The following LAMA2 variants were observed in gnomAD, a reference collection of about 807,000 sequenced individuals.
LAMA2 encodes laminin subunit alpha-2.
A neutral mutation model predicts 364.8 loss-of-function variants in LAMA2; 269 were observed. That is an observed-to-expected ratio of 0.74 (90% CI 0.67 to 0.82). The LOEUF (loss-of-function observed/expected upper bound fraction) is 0.82. Ranked by LOEUF, LAMA2 falls within the 40% of genes least tolerant of loss-of-function variation. The pLI, the probability that LAMA2 is intolerant of heterozygous loss-of-function variation, is 0.00. For missense variants in LAMA2, 3,807 were observed against 3,873.2 expected, an observed-to-expected ratio of 0.98 and a Z score of 0.45; for synonymous variants, 1,379 against 1,370.6, an observed-to-expected ratio of 1.01 and a Z score of -0.14.
At chr6:128,927,400 AT>A (rs1322833374) in intron 1 of LAMA2, among the ~76,000 whole-genome samples, 1 of 152,092 alleles carries the variant, frequency 6.6e-6, no homozygotes, top group East Asian at 1.9e-4. Flanking sequence ...ACTTCAAGAA[AT>A]TTTTCAGTCT....
intron 9 of LAMA2, among the ~76,000 whole-genome samples, chr6:129,172,150 C>T (rs900210661): frequency 6.6e-6 from 1 of 151,784 alleles, no homozygotes; most frequent in Non-Finnish European, 1.5e-5. Flanking sequence ...GTAATTTGAT[C>T]GTCTGAAGCC....
At chr6:129,463,691 C>T (rs1290134806) in intron 49 of LAMA2, among the ~76,000 whole-genome samples, 2 of 151,930 alleles carry the variant, frequency 1.3e-5, no homozygotes, top group African/African-American at 4.8e-5. Flanking sequence ...CTTTGTCATC[C>T]TACAAACATC....
chr6:128,971,154 A>C (rs369947128), intron 1 of LAMA2, among the ~76,000 whole-genome samples: 6 of 152,272 alleles, frequency 3.9e-5, no homozygotes, highest in African/African-American at 1.2e-4. Flanking sequence ...CTGAAAGAAA[A>C]GTTTTTATTT....
Position 129,317,583 on chromosome 6 carries a change from A to G in LAMA2, c.4058+1412A>G, listed in dbSNP as rs945691887. Among the ~76,000 whole-genome samples, 8 of 150,450 alleles carry G rather than the reference A, an allele frequency of 5.3e-5. No homozygotes were observed. In the Admixed American group the frequency reaches 5.3e-4, roughly 10 times the overall value. On this transcript the variant is annotated intron_variant, in intron 27 of 64. Transcript: ENST00000421865. ...ATATTTCTCACTATAACAGGAGATT[A>G]TTTTTATATGAAATAATAAAAAAAA...
chr6:128,952,496 T>C (rs1780888326), intron 1 of LAMA2, among the ~76,000 whole-genome samples: 1 of 152,126 alleles, frequency 6.6e-6, no homozygotes, highest in East Asian at 1.9e-4. Flanking sequence ...TTAAGAAACA[T>C]AGGCATCATA....
At chr6:129,170,822 G>A (rs1368560766) in intron 9 of LAMA2, among the ~76,000 whole-genome samples, 1 of 149,476 alleles carries the variant, frequency 6.7e-6, no homozygotes, top group Non-Finnish European at 1.5e-5. Context: ...TCTCTTTGTA[G>A]GTCACTCAGG....
chr6:129,513,367 C>G (rs1249678345), intron 63 of LAMA2, among the ~76,000 whole-genome samples: 6 of 152,126 alleles, frequency 3.9e-5, no homozygotes, highest in African/African-American at 1.2e-4. Context: ...ACCAAATTTT[C>G]AAACATACTT....
Position 129,491,993 on chromosome 6 carries a change from G to A in LAMA2, c.7991G>A (p.Gly2664Asp), listed in dbSNP as rs1488571994. ...PIEVKKLFVGGAPPEFQPSPL... is the reference protein window; with the variant it reads ...PIEVKKLFVGDAPPEFQPSPL... ...GAAGTTAAAAAGCTTTTCGTTGGGG[G>A]TGCTCCACCTGAATTTCAACCTTCC... The change falls in exon 57 of 65, where the codon GGT becomes GAT. Residue 2664 changes from glycine (G) to aspartate (D), a missense_variant. Gly to Asp is a moderately conservative substitution (Grantham distance 94). Transcript: ENST00000421865. 1.3e-5 allele frequency: 21 copies of A among 1,613,876 alleles called. No homozygotes were observed. The highest frequency in any genetic ancestry group is 7.7e-5 in the South Asian group (7 of 91,082).
At chr6:129,063,266 C>T (rs1038121179) in intron 3 of LAMA2, among the ~76,000 whole-genome samples, 6 of 151,952 alleles carry the variant, frequency 3.9e-5, no homozygotes, top group Non-Finnish European at 7.4e-5. Context: ...GTTCCAGTGA[C>T]GTGTATATAA....
intron 20 of LAMA2, among the ~76,000 whole-genome samples, chr6:129,293,978 T>A (rs547009897): frequency 3.3e-4 from 50 of 152,166 alleles, no homozygotes; most frequent in Non-Finnish European, 6.3e-4. Context: ...TGTAGTAAGA[T>A]CCACTTCAGA....
At chr6:129,267,788 C>A (rs1031259197) in intron 16 of LAMA2, among the ~76,000 whole-genome samples, 4 of 152,068 alleles carry the variant, frequency 2.6e-5, no homozygotes, top group African/African-American at 9.7e-5. Flanking sequence ...TAAGCTTTAA[C>A]CAGAAAATAG....
In LAMA2 at chr6:129,168,457, C is replaced by T. The variant is rs536310543; in HGVS notation, c.1306+2782C>T. 3.3e-5 allele frequency among the ~76,000 whole-genome samples: 5 copies of T among 152,320 alleles called. No homozygotes were observed. In the South Asian group the frequency reaches 1.0e-3, roughly 32 times the overall value. On this transcript the variant is annotated intron_variant, in intron 9 of 64. Coordinates refer to ENST00000421865, the MANE Select transcript of LAMA2 (RefSeq NM_000426.4). ...CATTGCTTGTTTTTCTCAGGTTTGT[C>T]AAAGATCAGGTAGTTGTACATATGC...
rs778914115 is a variant in LAMA2 at position 129,364,511 on chromosome 6, C to T, written c.4718-1708C>T. Among the ~76,000 whole-genome samples, 192 of 152,140 alleles carry T rather than the reference C, an allele frequency of 1.3e-3. 1 individual carries two copies. The highest frequency in any genetic ancestry group is 3.2e-3 in the Middle Eastern group (1 of 316). Reference sequence around the variant, plus strand: ...GTTCCTGCTCCTTGGCGTGCAGATACACCTCATTACTCTGCAATGCAAAAC... The same window carrying T: ...GTTCCTGCTCCTTGGCGTGCAGATATACCTCATTACTCTGCAATGCAAAAC... On this transcript the variant is annotated intron_variant, in intron 32 of 64. Transcript: ENST00000421865.
chr6:129,195,891 G>C (rs1781809611), intron 12 of LAMA2, among the ~76,000 whole-genome samples: 1 of 152,184 alleles, frequency 6.6e-6, no homozygotes, highest in Non-Finnish European at 1.5e-5. Flanking sequence ...CTGGAACATT[G>C]CAACAGTCAT....
chr6:129,179,403 G>A (rs78404490), intron 10 of LAMA2, among the ~76,000 whole-genome samples: 2,943 of 152,202 alleles, frequency 0.019, 113 homozygotes, highest in African/African-American at 0.066. Context: ...CACTCATACA[G>A]TGGTGATGTC....
At position 129,125,849 on chromosome 6, in the gene LAMA2, A is replaced by C. The variant is rs571194801; in HGVS notation, c.640-18052A>C. On this transcript the variant is annotated intron_variant, in intron 4 of 64. Transcript: ENST00000421865. ...GAGGGAATGGGTATGTTACTAGCTT[A>C]ATTGAATTATTCCACATTGCATTCA... Among the ~76,000 whole-genome samples the C allele has an allele frequency of 3.9e-5, 6 of 152,320 alleles. No individual in the cohort carries two copies. In the South Asian group the frequency reaches 1.2e-3, roughly 32 times the overall value.
At chr6:129,509,391 G>A (rs1786379029) in intron 62 of LAMA2, among the ~76,000 whole-genome samples, 2 of 152,086 alleles carry the variant, frequency 1.3e-5, no homozygotes, top group Admixed American at 6.5e-5. Context: ...TACTTTGGTT[G>A]CCTGTGCTTG....
chr6:129,097,618 A>G (rs1775266668), intron 3 of LAMA2, among the ~76,000 whole-genome samples: 1 of 152,176 alleles, frequency 6.6e-6, no homozygotes. Context: ...TTGGGGATGT[A>G]AAGGAATGGA....
intron 34 of LAMA2, among the ~76,000 whole-genome samples, chr6:129,374,261 G>A (rs932535482): frequency 2.6e-5 from 4 of 152,156 alleles, no homozygotes; most frequent in Non-Finnish European, 2.9e-5. Flanking sequence ...GGCTAAGCAC[G>A]CTAATGCCTC....
Sources: gnomAD v4.1 joint callset for allele counts (sites outside exome capture counted in the v4.1 genomes callset) on GRCh38, gnomAD v4.1.1 for gene constraint, MANE v1.5 for transcripts, NCBI Gene and HGNC (gene_info 2026-07-23, HGNC 2026-07-21) for gene names.